Variants in TRIM49 observed in about 807,000 individuals in gnomAD.
The protein encoded by TRIM49 is tripartite motif-containing protein 49.
Under a neutral mutation model 27.4 loss-of-function variants are expected in TRIM49, and 5 were observed. The ratio of observed to expected loss-of-function variants is 0.18; its 90% CI spans 0.10 to 0.38. The LOEUF is 0.38. Among genes scored for constraint, TRIM49 ranks in the 10% least tolerant of loss-of-function variants. TRIM49 has a pLI of 1.00. For missense variants in TRIM49, 188 were observed against 487.5 expected (o/e 0.39, Z 5.79); for synonymous variants, 69 against 166.0 (o/e 0.42, Z 4.49).
intron 5 of TRIM49, among the ~76,000 whole-genome samples, chr11:89,801,422 C>A (rs1388832448): frequency 3.4e-5 from 5 of 146,420 alleles, no homozygotes; most frequent in Non-Finnish European, 7.5e-5. Flanking sequence ...TGTTTAACAA[C>A]CCAAAGTATA....
Position 89,804,040 on chromosome 11 carries a change from C to T in TRIM49, c.411+19G>A. On this transcript the variant is annotated intron_variant, in intron 3 of 7. Transcript: ENST00000329758. ...TTATGCTTCCTTTACAGAAATCGAT[C>T]TTCAGAGCCATCACTTACCCGGTGT... 1 of 1,609,330 alleles carries T rather than the reference C, an allele frequency of 6.2e-7. No homozygotes were observed. Among genetic ancestry groups the T allele is most frequent in the East Asian group, 2.2e-5 (1 of 44,828 alleles).
downstream of TRIM49, among the ~76,000 whole-genome samples, chr11:89,797,182 A>T (rs1422147098): frequency 1.3e-5 from 2 of 151,066 alleles, 1 homozygote; most frequent in Non-Finnish European, 3.0e-5. Flanking sequence ...CAATTCTGTA[A>T]AGTGTCTGTT....
intron 5 of TRIM49, among the ~76,000 whole-genome samples, 175 bp from the exon 6 acceptor site, chr11:89,801,163 T>C (rs1186077718): frequency 6.7e-6 from 1 of 150,098 alleles, no homozygotes; most frequent in Non-Finnish European, 1.5e-5. Flanking sequence ...TGTATTGTTA[T>C]TAATTAACGT....
chr11:89,769,145 G>T, the TRIM49 span, among the ~76,000 whole-genome samples: 1 of 130,940 alleles, frequency 7.6e-6, no homozygotes, highest in Admixed American at 7.0e-5. Context: ...TTGGGCCACT[G>T]GACTTCAGCC....
chr11:89,774,036 T>G, the TRIM49 span, among the ~76,000 whole-genome samples: 1 of 144,634 alleles, frequency 6.9e-6, no homozygotes, highest in Non-Finnish European at 1.5e-5. Flanking sequence ...AGTCTCGCTC[T>G]GTCACCCAGG....
chr11:89,785,179 A>G, the TRIM49 span, among the ~76,000 whole-genome samples: 1 of 145,812 alleles, frequency 6.9e-6, no homozygotes, highest in African/African-American at 2.7e-5. Flanking sequence ...AGATCATGCC[A>G]CTGCACTCTA....
the TRIM49 span, among the ~76,000 whole-genome samples, chr11:89,774,443 G>C: frequency 2.0e-5 from 3 of 149,990 alleles, no homozygotes; most frequent in African/African-American, 7.5e-5. Context: ...CCCTTTCTAT[G>C]CAATCCAATC....
At chr11:89,796,531 T>TCA (rs1949690583), downstream of TRIM49, among the ~76,000 whole-genome samples, 1 of 142,108 alleles carries the variant, frequency 7.0e-6, no homozygotes, top group Non-Finnish European at 1.5e-5. Context: ...CCACCATGCC[T>TCA]GGGCTCCTAT....
chr11:89,791,678 T>C, the TRIM49 span, among the ~76,000 whole-genome samples: 5 of 151,840 alleles, frequency 3.3e-5, no homozygotes, highest in African/African-American at 7.3e-5. Flanking sequence ...AACTCCTGTA[T>C]AGACAAGCAA....
downstream of TRIM49, among the ~76,000 whole-genome samples, chr11:89,792,999 A>G (rs1485286770): frequency 5.9e-5 from 9 of 152,122 alleles, no homozygotes; most frequent in Non-Finnish European, 1.2e-4. Flanking sequence ...GACTGCTAGC[A>G]AGACTAATAA....
chr11:89,770,115 A>C, the TRIM49 span, among the ~76,000 whole-genome samples: 1 of 109,078 alleles, frequency 9.2e-6, no homozygotes, highest in Non-Finnish European at 1.7e-5. Flanking sequence ...ATGAAGCTTA[A>C]AAGTGTTGCT....
chr11:89,806,896 G>T (rs1229908241), intron 2 of TRIM49, among the ~76,000 whole-genome samples: 48 of 148,934 alleles, frequency 3.2e-4, no homozygotes, highest in Admixed American at 1.0e-3. Flanking sequence ...GATATTTTAA[G>T]TTTTTCAGAA....
the TRIM49 span, chr11:89,782,026 A>G: frequency 6.6e-7 from 1 of 1,525,142 alleles, no homozygotes; most frequent in South Asian, 1.2e-5. Context: ...GGGGAGCACA[A>G]GCATTCACCT....
At chr11:89,782,046 A>G in the TRIM49 span, 1 of 1,531,032 alleles carries the variant, frequency 6.5e-7, no homozygotes, top group Non-Finnish European at 8.8e-7. Flanking sequence ...TCCGGCAAGC[A>G]TTACTGGGAG....
downstream of TRIM49, among the ~76,000 whole-genome samples, chr11:89,796,548 C>G (rs1257866719): frequency 6.9e-6 from 1 of 144,668 alleles, no homozygotes; most frequent in African/African-American, 2.7e-5. Flanking sequence ...CTATTTTATT[C>G]TACTACCTTA....
the TRIM49 span, chr11:89,768,861 A>G: frequency 2.0e-6 from 1 of 502,878 alleles, no homozygotes; most frequent in Non-Finnish European, 3.9e-6. Context: ...AGAGAGAGAG[A>G]GAGAGAAAAC....
chr11:89,783,488 G>A, the TRIM49 span, among the ~76,000 whole-genome samples: 1 of 115,944 alleles, frequency 8.6e-6, no homozygotes, highest in South Asian at 2.9e-4. Context: ...AATAATTGTA[G>A]CATAATTTTT....
the TRIM49 span, among the ~76,000 whole-genome samples, chr11:89,785,226 G>GAATAAATAAATA: frequency 1.5e-5 from 2 of 133,274 alleles, no homozygotes; most frequent in African/African-American, 3.1e-5. Context: ...CTGCCTCAGT[G>GAATAAATAAATA]AATAAATAAA....
chr11:89,790,741 C>T, the TRIM49 span, among the ~76,000 whole-genome samples: 1 of 151,878 alleles, frequency 6.6e-6, no homozygotes. Flanking sequence ...CACCAAAACC[C>T]CATCTGTACG....
Sources: allele counts gnomAD v4.1 joint callset (sites outside exome capture counted in the v4.1 genomes callset), GRCh38; gene constraint gnomAD v4.1.1; transcripts MANE v1.5; gene names NCBI Gene and HGNC (gene_info 2026-07-23, HGNC 2026-07-21).